DRD4: variants seen among roughly 807,000 people sequenced by gnomAD.
DRD4 encodes the protein D(4) dopamine receptor.
A neutral mutation model predicts 22.1 loss-of-function variants in DRD4; 26 were observed. The observed-to-expected ratio is 1.17, with a 90% CI of 0.86 to 1.63. DRD4 has a LOEUF of 1.63. Ranked by LOEUF, DRD4 falls within the 40% of genes most tolerant of loss-of-function variation. The pLI is 0.00. For missense variants in DRD4, 913 were observed against 632.4 expected, an observed-to-expected ratio of 1.44 and a Z score of -4.76; for synonymous variants, 455 against 306.7, an observed-to-expected ratio of 1.48 and a Z score of -5.05.
chr11:637,294 CCGGGCG>C lies in DRD4; in HGVS notation c.-8_-3del, dbSNP rs1858078014. On this transcript the variant is annotated 5_prime_UTR_variant, in exon 1 of 4. Coordinates refer to ENST00000176183, the MANE Select transcript of DRD4 (RefSeq NM_000797.4). Reference sequence around the variant, plus strand: ...GTTGTCCGCGGTGCTCAGCGCCCGCCCGGGCGCGCCATGGGGAACCGCAGCACCGCG... The same window carrying C: ...GTTGTCCGCGGTGCTCAGCGCCCGCCCGCCATGGGGAACCGCAGCACCGCG... The C allele has an allele frequency of 2.5e-6, 3 of 1,196,118 alleles. No individual in the cohort carries two copies. The South Asian group carries it at 1.1e-4, about 44-fold the overall frequency. 74.1% of individuals were successfully genotyped at this position (1,196,118 alleles called of 1,614,324 possible).
intron 1 of DRD4, 152 bp downstream of exon 1, chr11:637,741 T>C: frequency 2.2e-6 from 3 of 1,383,596 alleles, no homozygotes; most frequent in Non-Finnish European, 2.9e-6. Context: ...CCCTCGGCGA[T>C]ACACCCACCG....
At position 640,046 on chromosome 11, in the gene DRD4, CG is replaced by C; in HGVS notation, c.798del (p.Gly268AlafsTer78). 7 of 1,187,894 alleles carry C rather than the reference CG, an allele frequency of 5.9e-6. No individual in the cohort carries two copies. The highest frequency in any genetic ancestry group is 3.1e-5 in the South Asian group (1 of 32,054). The allele number at this position is 1,187,894 out of a possible 1,614,324, so 73.6% of individuals were successfully genotyped here. ...TGCGGCCCCGACTGTGCGCCCCCCG[CG>C]CCCGGCCTTCCCCGGGGTCCCTGCG... ...DPCGPDCAPP[A>X]PGLPRGPCGP... On this transcript the variant is annotated frameshift_variant, in exon 3 of 4. Coordinates refer to ENST00000176183, the MANE Select transcript of DRD4 (RefSeq NM_000797.4). LOFTEE classifies it high-confidence loss of function.
chr11:638,572 C>A (rs926858887), intron 1 of DRD4, among the ~76,000 whole-genome samples: 5 of 152,122 alleles, frequency 3.3e-5, no homozygotes, highest in Non-Finnish European at 7.3e-5. Context: ...ATCTTCAAGA[C>A]AATTATGATG....
intron 1 of DRD4, 99 bp downstream of exon 1, chr11:637,688 C>T: frequency 1.3e-6 from 2 of 1,525,128 alleles, no homozygotes; most frequent in Non-Finnish European, 1.8e-6. Flanking sequence ...CTTTCTGGTG[C>T]GGAGCTTCCA....
intron 3 of DRD4, 44 bp downstream of exon 3, chr11:640,350 G>A (rs12720411): frequency 7.1e-7 from 1 of 1,409,660 alleles, no homozygotes; most frequent in South Asian, 1.2e-5. Flanking sequence ...GAGGGGGGGG[G>A]TACGAGGCCG....
rs1395880253 is a variant in DRD4, at chr11:640,060, C to T, written c.811C>T (p.Arg271Trp). 4 of 1,141,528 alleles carry T rather than the reference C, an allele frequency of 3.5e-6. No homozygotes were observed. In the East Asian group the frequency reaches 1.2e-4, roughly 34 times the overall value. The allele number at this position is 1,141,528 out of a possible 1,614,324, so 70.7% of individuals were successfully genotyped here. Reference sequence around the variant, plus strand: ...TGCGCCCCCCGCGCCCGGCCTTCCCCGGGGTCCCTGCGGCCCCGACTGTGC... The same window carrying T: ...TGCGCCCCCCGCGCCCGGCCTTCCCTGGGGTCCCTGCGGCCCCGACTGTGC... ...DCAPPAPGLP[R>W]GPCGPDCAPA... Residue 271 changes from arginine to tryptophan, a missense_variant, in exon 3 of 4, where the codon CGG becomes TGG. Arg to Trp is a moderately radical substitution (Grantham distance 101). Transcript: ENST00000176183.
chr11:640,272 G>A lies in DRD4; in HGVS notation c.1023G>A (p.Glu341=), dbSNP rs1858199323. ...GGCGTGCCAAGATCACCGGCCGGGA[G>A]CGCAAGGCCATGAGGGTCCTGCCGG... ...RRRRAKITGR[E]RKAMRVLPVV... The change falls in exon 3 of 4, where the codon GAG becomes GAA. Residue 341 remains glutamate, a synonymous_variant. Transcript: ENST00000176183. 1.3e-6 allele frequency: 2 copies of A among 1,534,174 alleles called. No individual in the cohort carries two copies. Among genetic ancestry groups the A allele is most frequent in the Non-Finnish European group, 1.7e-6 (2 of 1,147,006 alleles).
At chr11:639,247 C>T in intron 1 of DRD4, 186 bp from the exon 2 acceptor site, 1 of 619,528 alleles carries the variant, frequency 1.6e-6, no homozygotes, top group Non-Finnish European at 2.9e-6. Context: ...ACAGCGAGAC[C>T]CTAACTCAAA....
intron 1 of DRD4, among the ~76,000 whole-genome samples, chr11:638,381 C>G (rs987662434): frequency 1.3e-5 from 2 of 152,146 alleles, no homozygotes; most frequent in East Asian, 1.9e-4. Flanking sequence ...ACGGGACACG[C>G]GTGACCTGTG....
intron 1 of DRD4, among the ~76,000 whole-genome samples, chr11:638,569 AGAC>A (rs1324359760): frequency 7.2e-5 from 11 of 152,150 alleles, no homozygotes; most frequent in African/African-American, 2.7e-4. Context: ...TTTATCTTCA[AGAC>A]AATTATGATG....
intron 3 of DRD4, 23 bp from the exon 4 acceptor site, chr11:640,378 A>G (rs200635197): frequency 1.3e-6 from 2 of 1,593,978 alleles, no homozygotes; most frequent in African/African-American, 2.7e-5. Context: ...GGGGGGCGCT[A>G]ACGCGGCTCT....
chr11:639,738 C>A lies in DRD4; in HGVS notation c.489C>A (p.Ser163=), dbSNP rs773882091. 67 of 1,530,042 alleles carry A rather than the reference C, an allele frequency of 4.4e-5. No homozygotes were observed. The highest frequency in any genetic ancestry group is 5.7e-5 in the Non-Finnish European group (65 of 1,147,752). 94.8% of individuals were successfully genotyped at this position (1,530,042 alleles called of 1,614,324 possible). A position where few individuals can be genotyped will look rare whatever the true frequency, so the allele number is the denominator to read the frequency against. The change falls in exon 3 of 4, where the codon TCC becomes TCA. Residue 163 remains serine, a synonymous_variant. Transcript: ENST00000176183. ...LLLIGATWLL[S]AAVAAPVLCG... ...TCATCGGCGCCACGTGGCTGCTGTC[C>A]GCGGCGGTGGCGGCGCCCGTACTGT... is the stretch of plus-strand genomic sequence containing the variant.
At position 639,949 on chromosome 11, in the gene DRD4, G is replaced by C. The variant is rs1371434253; in HGVS notation, c.700G>C (p.Ala234Pro). The change falls in exon 3 of 4, where the codon GCG (alanine) becomes CCG (proline). Residue 234 changes from alanine to proline, a missense_variant. Ala to Pro is a conservative substitution (Grantham distance 27). Transcript: ENST00000176183. The part of the protein sequence containing the change: ...VARRAKLHGR[A>P]PRRPSGPGPP... ...ACGTCGCGCCAAGCTGCACGGCCGC[G>C]CGCCCCGCCGACCCAGCGGCCCTGG... The C allele has an allele frequency of 1.3e-6, 2 of 1,495,318 alleles. No homozygotes were observed. The highest frequency in any genetic ancestry group is 2.1e-5 in the Admixed American group (1 of 47,564). The allele number at this position is 1,495,318 out of a possible 1,614,324, so 92.6% of individuals were successfully genotyped here.
intron 1 of DRD4, among the ~76,000 whole-genome samples, chr11:638,165 A>G (rs72844730): frequency 5.9e-5 from 9 of 152,176 alleles, no homozygotes; most frequent in Non-Finnish European, 1.0e-4. Flanking sequence ...GGGAAGCCTG[A>G]GGGGGAATTG....
chr11:637,594 G>A lies in DRD4; in HGVS notation c.285+5G>A. ...CCGCTCTTCGTCTACTCCGAGGTGA[G>A]CCGCGTCCGGCCGCACGAGCATCCT... On this transcript the variant is annotated splice_donor_5th_base_variant and intron_variant, in intron 1 of 3. Transcript: ENST00000176183. The A allele has an allele frequency of 6.5e-7, 1 of 1,543,542 alleles. No homozygotes were observed. Among genetic ancestry groups the A allele is most frequent in the Non-Finnish European group, 8.7e-7 (1 of 1,148,498 alleles).
rs769472877 is a variant in DRD4 at position 640,582 on chromosome 11, G to C, written c.1239G>C (p.Lys413Asn). 13 of 1,599,550 alleles carry C rather than the reference G, an allele frequency of 8.1e-6. No homozygotes were observed. The highest frequency in any genetic ancestry group is 4.5e-5 in the East Asian group (2 of 44,886). ...FNAEFRNVFR[K>N]ALRACC is the part of the protein sequence containing the mutation. The stretch of plus-strand genomic sequence containing the variant: ...CCGAGTTCCGCAACGTCTTCCGCAA[G>C]GCCCTGCGTGCCTGCTGCTGAGCCG... Residue 413 changes from lysine to asparagine, a missense_variant, in exon 4 of 4, where the codon AAG (lysine) becomes AAC (asparagine). Lys to Asn is a moderately conservative substitution (Grantham distance 94). Transcript: ENST00000176183.
intron 1 of DRD4, 192 bp from the exon 2 acceptor site, chr11:639,241 C>G (rs1021235763): frequency 3.3e-6 from 2 of 601,484 alleles, no homozygotes; most frequent in African/African-American, 1.8e-5. Context: ...GGTGACACAG[C>G]GAGACCCTAA....
chr11:640,695 T>A lies in DRD4; in HGVS notation c.*92T>A. 1 of 1,458,730 alleles carries A rather than the reference T, an allele frequency of 6.9e-7. No homozygotes were observed. Among genetic ancestry groups the A allele is most frequent in the Non-Finnish European group, 9.4e-7 (1 of 1,067,368 alleles). The allele number at this position is 1,458,730 out of a possible 1,614,324, so 90.4% of individuals were successfully genotyped here. A position where few individuals can be genotyped will look rare whatever the true frequency, so the allele number is the denominator to read the frequency against. ...CGCTTTTGTACGTTAATTAAACAAA[T>A]TCCTTCCCAAACTCAGCTGTGAAGG... is the stretch of plus-strand genomic sequence containing the variant. On this transcript the variant is annotated 3_prime_UTR_variant, in exon 4 of 4. Transcript: ENST00000176183.
intron 1 of DRD4, 47 bp from the exon 2 acceptor site, chr11:639,386 G>T (rs1858146279): frequency 1.3e-6 from 2 of 1,525,772 alleles, no homozygotes; most frequent in East Asian, 2.4e-5. Flanking sequence ...GGTCACAAGG[G>T]CCCGCGGTGG....
Sources: allele counts gnomAD v4.1 joint callset (sites outside exome capture counted in the v4.1 genomes callset), GRCh38; gene constraint gnomAD v4.1.1; transcripts MANE v1.5; gene names NCBI Gene and HGNC (gene_info 2026-07-23, HGNC 2026-07-21).